OLFM1: variants seen among roughly 807,000 people sequenced by gnomAD.
OLFM1 encodes the protein olfactomedin 1, also known as noelin.
A neutral mutation model predicts 49.7 loss-of-function variants in OLFM1; 9 were observed. That is an observed-to-expected ratio of 0.18 (90% CI 0.11 to 0.32). OLFM1 has a LOEUF of 0.32. OLFM1 is among the 10% of genes least tolerant of loss of function. The pLI is 1.00. For missense variants in OLFM1, 369 were observed against 661.8 expected, an observed-to-expected ratio of 0.56 and a Z score of 4.85; for synonymous variants, 240 against 271.8, an observed-to-expected ratio of 0.88 and a Z score of 1.15.
At chr9:135,100,674 T>G (rs1178096092) in intron 4 of OLFM1, among the ~76,000 whole-genome samples, 1 of 152,188 alleles carries the variant, frequency 6.6e-6, no homozygotes, top group African/African-American at 2.4e-5. Context: ...TAAATGCCAC[T>G]CGATAGCTGT....
At chr9:135,102,529 G>A (rs546227195) in intron 4 of OLFM1, among the ~76,000 whole-genome samples, 10 of 152,320 alleles carry the variant, frequency 6.6e-5, no homozygotes, top group East Asian at 1.9e-4. Flanking sequence ...GATGACAGGC[G>A]GTGAGAGTCT....
At chr9:135,086,341 T>C (rs1282175116), upstream of OLFM1, among the ~76,000 whole-genome samples, 2 of 152,226 alleles carry the variant, frequency 1.3e-5, no homozygotes, top group Non-Finnish European at 2.9e-5. Context: ...CTCATTTAAC[T>C]AGCGGGTCTC....
At chr9:135,102,425 CAG>C (rs1205823659) in intron 4 of OLFM1, among the ~76,000 whole-genome samples, 2 of 152,204 alleles carry the variant, frequency 1.3e-5, no homozygotes, top group African/African-American at 2.4e-5. Flanking sequence ...ACTAGAGTGA[CAG>C]GGGAGGAAAT....
In OLFM1 at chr9:135,120,845, T is replaced by C; in HGVS notation, c.*667T>C. On this transcript the variant is annotated 3_prime_UTR_variant, in exon 6 of 6. Transcript: ENST00000371793. ...TGAGGTGGTAACTTCGTATGTTCAG[T>C]TTATGCGATGATTGTTGTAAATGCA... 6.5e-6 allele frequency: 1 copy of C among 152,698 alleles called. No individual in the cohort carries two copies. Among genetic ancestry groups the C allele is most frequent in the East Asian group, 1.9e-4 (1 of 5,198 alleles). 9.5% of individuals were successfully genotyped at this position (152,698 alleles called of 1,614,324 possible). A position where few individuals can be genotyped will look rare whatever the true frequency, so the allele number is the denominator to read the frequency against.
chr9:135,085,457 T>C (rs34683808), upstream of OLFM1, among the ~76,000 whole-genome samples: 14,675 of 152,304 alleles, frequency 0.096, 958 homozygotes, highest in Admixed American at 0.18. Flanking sequence ...TCTTATCATC[T>C]TTCTAGGCCT....
intron 4 of OLFM1, among the ~76,000 whole-genome samples, chr9:135,099,451 A>G (rs1830841914): frequency 6.6e-6 from 1 of 152,132 alleles, no homozygotes; most frequent in Admixed American, 6.5e-5. Flanking sequence ...GTGCCTTACT[A>G]TAAACCTAAA....
At chr9:135,081,425 C>T (rs549662769) in intron 1 of OLFM1, among the ~76,000 whole-genome samples, 2 of 152,252 alleles carry the variant, frequency 1.3e-5, no homozygotes, top group South Asian at 4.2e-4. Flanking sequence ...GACACGTGCA[C>T]GGCCGGCTGC....
chr9:135,085,999 GAC>G (rs1416609110), upstream of OLFM1, among the ~76,000 whole-genome samples: 1 of 152,258 alleles, frequency 6.6e-6, no homozygotes, highest in Non-Finnish European at 1.5e-5. Flanking sequence ...GAGATGGCCT[GAC>G]AGTTTTGTGG....
intron 2 of OLFM1, among the ~76,000 whole-genome samples, chr9:135,094,747 C>T (rs1040080072): frequency 3.3e-5 from 5 of 151,978 alleles, no homozygotes; most frequent in Admixed American, 1.3e-4. Context: ...CTTTATTTGG[C>T]GGGGTGGAGG....
At chr9:135,104,686 G>A (rs540237613) in intron 4 of OLFM1, among the ~76,000 whole-genome samples, 1 of 152,320 alleles carries the variant, frequency 6.6e-6, no homozygotes, top group South Asian at 2.1e-4. Flanking sequence ...GGGAGGGCTG[G>A]AGAGGGGCTG....
chr9:135,075,931 C>G (rs1367254367), intron 1 of OLFM1: 2 of 1,125,136 alleles, frequency 1.8e-6, no homozygotes. Context: ...CCCGAAGTGC[C>G]GGGGTTGGGG....
At chr9:135,075,833 G>A in intron 1 of OLFM1, 2 of 1,578,588 alleles carry the variant, frequency 1.3e-6, no homozygotes, top group East Asian at 2.3e-5. Context: ...TTTCCTCCCT[G>A]CCAGGCGCCC....
intron 1 of OLFM1, among the ~76,000 whole-genome samples, chr9:135,081,360 C>T (rs1183095306): frequency 1.3e-5 from 2 of 152,324 alleles, no homozygotes; most frequent in African/African-American, 2.4e-5. Context: ...GCCGGGTCGC[C>T]GACCTCTGTG....
chr9:135,118,754 G>GGTCTTTGGAGTGCTCGCCGT (rs71381853), intron 5 of OLFM1, among the ~76,000 whole-genome samples: 12 of 148,184 alleles, frequency 8.1e-5, no homozygotes, highest in African/African-American at 2.0e-4. Context: ...GTGCTCACTG[G>GGTCTTTGGAGTGCTCGCCGT]GTCTTTGGAG....
At chr9:135,076,943 G>T in intron 1 of OLFM1, 1 of 1,550,614 alleles carries the variant, frequency 6.4e-7, no homozygotes, top group Non-Finnish European at 8.7e-7. Flanking sequence ...CTCTGCCCAG[G>T]ATGTGCAGTC....
intron 1 of OLFM1, chr9:135,076,022 C>T (rs956978775): frequency 1.4e-6 from 2 of 1,446,052 alleles, no homozygotes; most frequent in Non-Finnish European, 1.8e-6. Context: ...CCAGCCCCGG[C>T]TCAGCAGAGC....
At chr9:135,112,966 G>T (rs1831043930) in intron 5 of OLFM1, among the ~76,000 whole-genome samples, 1 of 152,216 alleles carries the variant, frequency 6.6e-6, no homozygotes, top group Non-Finnish European at 1.5e-5. Context: ...AAGCCACTTT[G>T]TGGCGTGGGG....
At chr9:135,087,325 C>T (rs1433730554), upstream of OLFM1, 6 of 1,533,978 alleles carry the variant, frequency 3.9e-6, no homozygotes, top group Non-Finnish European at 5.3e-6. Flanking sequence ...AACCTTTGCC[C>T]CAAAGCGGAC....
chr9:135,107,421 T>A (rs1830960517), intron 5 of OLFM1, among the ~76,000 whole-genome samples: 2 of 152,210 alleles, frequency 1.3e-5, no homozygotes, highest in Admixed American at 6.5e-5. Flanking sequence ...GAAACAGGCA[T>A]CATATTTGCC....
Sources: allele counts gnomAD v4.1 joint callset (sites outside exome capture counted in the v4.1 genomes callset), GRCh38; gene constraint gnomAD v4.1.1; transcripts MANE v1.5; gene names NCBI Gene and HGNC (gene_info 2026-07-23, HGNC 2026-07-21).